ASTN1: variants seen among roughly 807,000 people sequenced by gnomAD.
The protein encoded by ASTN1 is astrotactin-1.
Under a neutral mutation model 140.7 loss-of-function variants are expected in ASTN1, and 41 were observed. The observed-to-expected ratio is 0.29, with a 90% CI of 0.23 to 0.38. ASTN1 has a LOEUF of 0.38. ASTN1 is among the 10% of genes least tolerant of loss of function. The pLI is 1.00. For synonymous variants in ASTN1, 640 were observed against 652.2 expected (o/e 0.98, Z 0.29); for missense variants, 1,479 against 1,678.8 (o/e 0.88, Z 2.08).
At chr1:177,014,691 C>A (rs1675454868) in intron 8 of ASTN1, 100 bp downstream of exon 8, 2 of 1,086,046 alleles carry the variant, frequency 1.8e-6, no homozygotes, top group East Asian at 4.9e-5. Flanking sequence ...AATATAGCCA[C>A]CCTTTAGCTC....
chr1:176,924,330 G>T (rs772439783), intron 16 of ASTN1, among the ~76,000 whole-genome samples: 3 of 152,140 alleles, frequency 2.0e-5, no homozygotes, highest in Non-Finnish European at 4.4e-5. Context: ...TGCCTGGATT[G>T]TTCTGTTTCC....
At chr1:176,955,979 T>A (rs1672382968) in intron 11 of ASTN1, among the ~76,000 whole-genome samples, 1 of 152,202 alleles carries the variant, frequency 6.6e-6, no homozygotes, top group South Asian at 2.1e-4. Flanking sequence ...CTGAATAGCT[T>A]TTTTTAAAAG....
intron 1 of ASTN1, among the ~76,000 whole-genome samples, chr1:177,106,625 C>G (rs112556955): frequency 2.2e-4 from 34 of 152,116 alleles, no homozygotes; most frequent in Admixed American, 6.5e-5. Context: ...TGTTAACATA[C>G]GCAAAAATTT....
At chr1:176,991,596 C>A (rs570306521) in intron 8 of ASTN1, among the ~76,000 whole-genome samples, 9 of 152,328 alleles carry the variant, frequency 5.9e-5, no homozygotes, top group African/African-American at 2.2e-4. Context: ...AATTCGAACA[C>A]TAACTAGCTG....
chr1:176,996,846 A>G (rs1201250950), intron 8 of ASTN1, among the ~76,000 whole-genome samples: 1 of 152,206 alleles, frequency 6.6e-6, no homozygotes, highest in Non-Finnish European at 1.5e-5. Context: ...AGTTCAGGTT[A>G]GTGTGTCCAA....
chr1:177,051,441 T>C (rs1677538551), intron 2 of ASTN1, among the ~76,000 whole-genome samples: 1 of 152,234 alleles, frequency 6.6e-6, no homozygotes, highest in Non-Finnish European at 1.5e-5. Flanking sequence ...GGGCACTACA[T>C]TGGCAAGAGA....
Position 176,864,361 on chromosome 1 carries a change from G to C in ASTN1, c.3808C>G (p.Arg1270Gly), listed in dbSNP as rs12118933. Residue 1270 changes from arginine (R) to glycine (G), a missense_variant, in exon 23 of 23, where the codon CGG becomes GGG. Arg to Gly is a moderately radical substitution (Grantham distance 125, BLOSUM62 -2). Transcript: ENST00000361833. ...TCCTCACACGTCTTCCTGAGGTCCC[G>C]GCTGAGCTCCGCCCAGTCAAGTCCG... ...PYGLDWAELS[R>G]DLRKTCEEQT... is the part of the protein sequence containing the mutation. 123,195 of 1,614,008 alleles carry C rather than the reference G, an allele frequency of 0.076. 5,334 individuals carry two copies. The highest frequency in any genetic ancestry group is 0.088 in the Non-Finnish European group (104,310 of 1,179,974).
At chr1:177,032,917 C>T (rs1676522251) in intron 2 of ASTN1, 68 bp from the exon 3 acceptor site, 14 of 1,451,896 alleles carry the variant, frequency 9.6e-6, no homozygotes, top group Non-Finnish European at 1.3e-5. Context: ...AGTCACTGCT[C>T]CTTCTGCTAC....
intron 2 of ASTN1, among the ~76,000 whole-genome samples, chr1:177,041,769 T>A (rs903635651): frequency 2.0e-5 from 3 of 152,230 alleles, no homozygotes; most frequent in African/African-American, 7.2e-5. Context: ...ATCCCTGTTT[T>A]TCTCTGATCA....
intron 11 of ASTN1, among the ~76,000 whole-genome samples, chr1:176,953,423 C>A (rs1672274355): frequency 6.6e-6 from 1 of 152,228 alleles, no homozygotes; most frequent in South Asian, 2.1e-4. Context: ...TACTAAATGG[C>A]AACCTCACTT....
intron 15 of ASTN1, 139 bp downstream of exon 15, chr1:176,936,127 T>G (rs757182598): frequency 1.3e-5 from 10 of 756,104 alleles, no homozygotes; most frequent in Non-Finnish European, 2.1e-5. Flanking sequence ...TGGATAAATC[T>G]GAGTAAATAG....
chr1:176,922,556 C>CAAAAAAAAA (rs71129589), intron 16 of ASTN1, among the ~76,000 whole-genome samples: 13 of 77,588 alleles, frequency 1.7e-4, no homozygotes, highest in South Asian at 5.4e-4. Context: ...GCCCCCACTG[C>CAAAAAAAAA]AAAAAAAAAA....
At chr1:176,956,275 AT>A (rs1205094423) in intron 11 of ASTN1, among the ~76,000 whole-genome samples, 3 of 150,572 alleles carry the variant, frequency 2.0e-5, no homozygotes, top group Non-Finnish European at 4.4e-5. Context: ...CTTTTTCTTC[AT>A]TTTCTCTTCC....
At chr1:176,958,558 TA>T (rs1386668667) in intron 9 of ASTN1, 76 bp from the exon 10 acceptor site, 1 of 1,471,556 alleles carries the variant, frequency 6.8e-7, no homozygotes, top group Non-Finnish European at 9.0e-7. Context: ...AGCATTCCAT[TA>T]CCAGTGCTTT....
At chr1:177,068,234 C>G (rs75877920) in intron 1 of ASTN1, among the ~76,000 whole-genome samples, 1 of 152,198 alleles carries the variant, frequency 6.6e-6, no homozygotes, top group Non-Finnish European at 1.5e-5. Flanking sequence ...ATCTCATTCT[C>G]ATTCCTCTTT....
intron 8 of ASTN1, among the ~76,000 whole-genome samples, chr1:177,000,313 G>A (rs562127700): frequency 1.4e-3 from 215 of 152,216 alleles, no homozygotes; most frequent in Middle Eastern, 3.4e-3. Flanking sequence ...GGAAGAAACA[G>A]GCATGCCATA....
At chr1:177,036,102 G>A (rs1248714494) in intron 2 of ASTN1, among the ~76,000 whole-genome samples, 1 of 139,438 alleles carries the variant, frequency 7.2e-6, no homozygotes, top group Non-Finnish European at 1.5e-5. Flanking sequence ...CTGGAGTGGA[G>A]TGCAATGGCA....
chr1:176,865,840 G>A (rs939181591), intron 22 of ASTN1, among the ~76,000 whole-genome samples: 5 of 152,172 alleles, frequency 3.3e-5, no homozygotes, highest in Non-Finnish European at 7.4e-5. Context: ...AAGATGAAAG[G>A]TACATCTCAC....
intron 16 of ASTN1, among the ~76,000 whole-genome samples, chr1:176,896,776 TCC>T (rs1669523829): frequency 6.6e-6 from 1 of 152,066 alleles, no homozygotes; most frequent in East Asian, 1.9e-4. Flanking sequence ...ACTTTGCAAA[TCC>T]TTACAACCAG....
Sources: gnomAD v4.1 joint callset for allele counts (sites outside exome capture counted in the v4.1 genomes callset) on GRCh38, gnomAD v4.1.1 for gene constraint, MANE v1.5 for transcripts, NCBI Gene and HGNC (gene_info 2026-07-23, HGNC 2026-07-21) for gene names.